The following KAZN variants were observed in gnomAD, a reference collection of about 807,000 sequenced individuals.
The protein encoded by KAZN is kazrin, periplakin interacting protein.
A neutral mutation model predicts 87.4 loss-of-function variants in KAZN; 40 were observed. The ratio of observed to expected loss-of-function variants is 0.46; its 90% CI spans 0.36 to 0.60. The LOEUF (loss-of-function observed/expected upper bound fraction) is 0.60, where lower values mean the gene tolerates loss of function less well. KAZN is among the 20% of genes least tolerant of loss of function. The pLI is 0.00. For missense variants in KAZN, 898 were observed against 1,073.9 expected (o/e 0.84, Z 2.29); for synonymous variants, 466 against 458.3 (o/e 1.02, Z -0.22).
At chr1:14,283,834 G>A (rs1182665037) in intron 2 of KAZN, among the ~76,000 whole-genome samples, 2 of 152,066 alleles carry the variant, frequency 1.3e-5, no homozygotes, top group African/African-American at 4.8e-5. Context: ...CTCATTATAG[G>A]CAACGAGTGG....
chr1:13,981,467 A>C (rs548436129), intron 1 of KAZN, among the ~76,000 whole-genome samples: 4 of 152,178 alleles, frequency 2.6e-5, no homozygotes, highest in Admixed American at 1.3e-4. Flanking sequence ...GCCCAGATTC[A>C]ATGAGGGGAA....
chr1:14,280,664 GGT>G (rs769242815), intron 2 of KAZN, among the ~76,000 whole-genome samples: 21 of 152,144 alleles, frequency 1.4e-4, no homozygotes, highest in Non-Finnish European at 8.8e-5. Flanking sequence ...CCTCCAGAAT[GGT>G]GGGACAATAA....
At chr1:14,517,679 T>G (rs1409564133) in intron 2 of KAZN, among the ~76,000 whole-genome samples, 1 of 152,194 alleles carries the variant, frequency 6.6e-6, no homozygotes, top group Non-Finnish European at 1.5e-5. Context: ...AAAAGAACAT[T>G]TGTTTATCTT....
At chr1:14,023,134 C>A (rs559347113) in intron 1 of KAZN, among the ~76,000 whole-genome samples, 1 of 151,822 alleles carries the variant, frequency 6.6e-6, no homozygotes, top group Non-Finnish European at 1.5e-5. Flanking sequence ...TGGAACATAG[C>A]AAGATCCCAT....
At chr1:14,887,092 A>C (rs545157423) in intron 1 of KAZN, among the ~76,000 whole-genome samples, 32 of 152,344 alleles carry the variant, frequency 2.1e-4, no homozygotes, top group African/African-American at 7.2e-4. Flanking sequence ...TGCACTTAGC[A>C]TAGTGCTTGG....
intron 1 of KAZN, among the ~76,000 whole-genome samples, chr1:14,121,199 G>A (rs1421838475): frequency 6.6e-6 from 1 of 152,174 alleles, no homozygotes; most frequent in Non-Finnish European, 1.5e-5. Context: ...TGTCATATAT[G>A]AGTATAGTAT....
chr1:14,852,318 G>C lies in KAZN; in HGVS notation c.227-108366G>C, dbSNP rs375908112. On this transcript the variant is annotated intron_variant, in intron 1 of 14. Coordinates refer to ENST00000376030, the MANE Select transcript of KAZN (RefSeq NM_201628.3). The stretch of plus-strand genomic sequence containing the variant: ...AGAGATGGGCTGAGGCCCAGCAGGT[G>C]TGGACACAGCAGGCTTTCCATGCTT... 6.6e-5 allele frequency among the ~76,000 whole-genome samples: 10 copies of C among 152,372 alleles called. No homozygotes were observed. In the South Asian group the frequency reaches 1.2e-3, roughly 19 times the overall value.
At chr1:14,075,693 G>A (rs1231231795) in intron 1 of KAZN, among the ~76,000 whole-genome samples, 1 of 152,144 alleles carries the variant, frequency 6.6e-6, no homozygotes, top group Non-Finnish European at 1.5e-5. Flanking sequence ...AAATCATCCT[G>A]TTCCGAAGCC....
chr1:14,838,318 T>C (rs947195018), intron 1 of KAZN, among the ~76,000 whole-genome samples: 5 of 152,200 alleles, frequency 3.3e-5, no homozygotes, highest in South Asian at 2.1e-4. Context: ...TTTCAACATA[T>C]GAAATTTAAG....
At chr1:14,257,972 AGAG>A (rs1214317712) in intron 2 of KAZN, among the ~76,000 whole-genome samples, 2 of 133,794 alleles carry the variant, frequency 1.5e-5, no homozygotes, top group African/African-American at 3.0e-5. Context: ...AAAAAAAAAA[AGAG>A]AAAAAAAAAA....
chr1:14,010,869 A>G (rs1640266723), intron 1 of KAZN, among the ~76,000 whole-genome samples: 1 of 152,202 alleles, frequency 6.6e-6, no homozygotes, highest in South Asian at 2.1e-4. Flanking sequence ...TCTGCATTTA[A>G]ATGGCCATTC....
intron 1 of KAZN, among the ~76,000 whole-genome samples, chr1:13,984,511 C>T (rs1638916881): frequency 6.6e-6 from 1 of 152,156 alleles, no homozygotes; most frequent in Admixed American, 6.5e-5. Flanking sequence ...TTTTTGGAAT[C>T]TCTTCTAAGA....
At chr1:13,953,794 A>G (rs1334586457) in intron 1 of KAZN, among the ~76,000 whole-genome samples, 1 of 152,156 alleles carries the variant, frequency 6.6e-6, no homozygotes, top group Non-Finnish European at 1.5e-5. Flanking sequence ...TTAGAGTTGC[A>G]CCATCCAATA....
At chr1:15,065,922 G>T (rs1639192845) in intron 8 of KAZN, 169 bp downstream of exon 8, 7 of 1,442,256 alleles carry the variant, frequency 4.9e-6, no homozygotes, top group Non-Finnish European at 6.3e-6. Context: ...GGCACACATG[G>T]GTGCTGGGTG....
chr1:14,466,660 TAA>T (rs566876952), intron 2 of KAZN, among the ~76,000 whole-genome samples: 1,367 of 130,364 alleles, frequency 0.01, 7 homozygotes, highest in South Asian at 0.027. Context: ...AAACTAAATT[TAA>T]AAAAAAAAAA....
chr1:14,032,807 G>A (rs1641385036), intron 1 of KAZN, among the ~76,000 whole-genome samples: 1 of 152,162 alleles, frequency 6.6e-6, no homozygotes, highest in African/African-American at 2.4e-5. Context: ...TGGTAATGAT[G>A]AGAGCTGGCA....
intron 1 of KAZN, among the ~76,000 whole-genome samples, chr1:14,646,653 A>AC (rs2148685920): frequency 6.6e-6 from 1 of 152,146 alleles, no homozygotes; most frequent in East Asian, 1.9e-4. Context: ...TACCCACCAG[A>AC]TGTCAGCAGT....
chr1:14,929,145 T>A (rs1353674012), intron 1 of KAZN, among the ~76,000 whole-genome samples: 1 of 152,252 alleles, frequency 6.6e-6, no homozygotes, highest in African/African-American at 2.4e-5. Flanking sequence ...TTAGCATCCT[T>A]TCCCCCTGTG....
chr1:14,513,205 C>T (rs1197410390), intron 2 of KAZN, among the ~76,000 whole-genome samples: 2 of 152,124 alleles, frequency 1.3e-5, no homozygotes, highest in East Asian at 1.9e-4. Context: ...TAGGGCAAAC[C>T]GGCTTCTCCT....
Sources: allele counts gnomAD v4.1 joint callset (sites outside exome capture counted in the v4.1 genomes callset), GRCh38; gene constraint gnomAD v4.1.1; transcripts MANE v1.5; gene names NCBI Gene and HGNC (gene_info 2026-07-23, HGNC 2026-07-21).